Variants in CNNM4 observed in about 807,000 individuals in gnomAD.
CNNM4 encodes metal transporter CNNM4.
CNNM4 carries 32 observed loss-of-function variants against 53.7 expected under a neutral mutation model. The ratio of observed to expected loss-of-function variants is 0.60; its 90% confidence interval spans 0.45 to 0.80. The LOEUF is 0.80. Among genes scored for constraint, CNNM4 ranks in the 30% least tolerant of loss-of-function variants. The pLI, the probability that CNNM4 is intolerant of heterozygous loss-of-function variation, is 0.00. For missense variants in CNNM4, 784 were observed against 1,022.0 expected (o/e 0.77, Z 3.17); for synonymous variants, 410 against 440.0 (o/e 0.93, Z 0.85).
At position 96,801,181 on chromosome 2, in the gene CNNM4, C is replaced by T. The variant is rs564806942; in HGVS notation, c.1948+1533C>T. ...TCACGCTGCCACCTGCTGCCTGTGC[C>T]TGCACACTGCAGCTGCATTAACCTC... On this transcript the variant is annotated intron_variant, in intron 5 of 6. Coordinates refer to ENST00000377075, the MANE Select transcript of CNNM4 (RefSeq NM_020184.4). This position sits in a 1 kb window ranked among gnomAD's most constrained non-coding sequence, Gnocchi z 5.6. 1.1e-4 allele frequency: 99 copies of T among 934,708 alleles called. No homozygotes were observed. In the African/African-American group the frequency reaches 1.7e-3, roughly 16 times the overall value. 57.9% of individuals were successfully genotyped at this position (934,708 alleles called of 1,614,324 possible).
intron 5 of CNNM4, among the ~76,000 whole-genome samples, chr2:96,806,310 G>A (rs1021833973): frequency 1.3e-4 from 19 of 151,950 alleles, no homozygotes; most frequent in East Asian, 1.2e-3. Context: ...TTTTGATAAC[G>A]TCAGTCATAA....
chr2:96,797,017 T>A lies in CNNM4; in HGVS notation c.1408T>A (p.Ser470Thr). ...CTTGCTGCATTGTCCCACAGGGAAG[T>A]CCCACCTGGCCATCGTGCAGAAGGT... ...AMLEEFKKGKSHLAIVQKVNN... is the reference protein window; with the variant it reads ...AMLEEFKKGKTHLAIVQKVNN... Residue 470 changes from serine to threonine, a missense_variant, in exon 2 of 7, where the codon TCC (serine) becomes ACC (threonine). This residue lies in a region of CNNM4 where 473 missense variants were observed against 624.6 expected (regional missense o/e 0.76). Transcript: ENST00000377075. This position sits in a 1 kb window ranked among gnomAD's most constrained non-coding sequence, Gnocchi z 6.0. 6.2e-7 allele frequency: 1 copy of A among 1,612,934 alleles called. No homozygotes were observed. Among genetic ancestry groups the A allele is most frequent in the Non-Finnish European group, 8.5e-7 (1 of 1,179,968 alleles).
In CNNM4 at chr2:96,801,656, CCACA is replaced by C. The variant is rs141454994; in HGVS notation, c.1948+2023_1948+2026del. On this transcript the variant is annotated intron_variant, in intron 5 of 6. Coordinates refer to ENST00000377075, the MANE Select transcript of CNNM4 (RefSeq NM_020184.4). This position sits in a 1 kb window ranked among gnomAD's most constrained non-coding sequence, Gnocchi z 5.6. ...GAGAGACCACACACATGCAGAGAGA[CCACA>C]CACACACACACACAGAGACCACACG... is the stretch of plus-strand genomic sequence containing the variant. Among the ~76,000 whole-genome samples the C allele has an allele frequency of 1.4e-4, 20 of 142,040 alleles. No individual in the cohort carries two copies. The highest frequency in any genetic ancestry group is 5.6e-4 in the Admixed American group (8 of 14,396). 93.2% of individuals were successfully genotyped at this position (142,040 alleles called of 152,430 possible).
intron 1 of CNNM4, among the ~76,000 whole-genome samples, chr2:96,769,925 C>T (rs1394711700): frequency 6.6e-6 from 1 of 152,232 alleles, no homozygotes; most frequent in Admixed American, 6.5e-5. Context: ...ACTCCGGGTG[C>T]AGGCAGAGGT....
intron 1 of CNNM4, among the ~76,000 whole-genome samples, chr2:96,780,144 G>A (rs920510459): frequency 2.0e-5 from 3 of 152,056 alleles, no homozygotes; most frequent in South Asian, 2.1e-4. Flanking sequence ...CTGTGAACAC[G>A]ATGACCTTTT....
chr2:96,768,203 A>G (rs2078835411), intron 1 of CNNM4, among the ~76,000 whole-genome samples: 1 of 152,214 alleles, frequency 6.6e-6, no homozygotes, highest in Non-Finnish European at 1.5e-5. Context: ...TGATTTTTGC[A>G]TTCACTTTTG....
intron 1 of CNNM4, among the ~76,000 whole-genome samples, chr2:96,765,605 CTT>C (rs1345267199): frequency 2.6e-5 from 4 of 152,104 alleles, no homozygotes; most frequent in African/African-American, 9.7e-5. Flanking sequence ...CCTTTGTATT[CTT>C]TCTTTCCCCT....
At chr2:96,780,743 T>G (rs1403336923) in intron 1 of CNNM4, among the ~76,000 whole-genome samples, 1 of 152,042 alleles carries the variant, frequency 6.6e-6, no homozygotes, top group Non-Finnish European at 1.5e-5. Flanking sequence ...TTTGTTTGTT[T>G]GTTTGTTTTT....
intron 1 of CNNM4, among the ~76,000 whole-genome samples, chr2:96,773,889 A>T (rs1263710951): frequency 7.1e-6 from 1 of 140,024 alleles, no homozygotes; most frequent in Non-Finnish European, 1.6e-5. Context: ...CTTATTAAAA[A>T]TAAATAAATA....
chr2:96,760,979 C>T lies in CNNM4; in HGVS notation c.-21C>T, dbSNP rs2078754376. On this transcript the variant is annotated 5_prime_UTR_variant, in exon 1 of 7. Coordinates refer to ENST00000377075, the MANE Select transcript of CNNM4 (RefSeq NM_020184.4). ...CGCGGCGTGGCGCGGGGAGCGGCGG[C>T]GGCGGCAGAGCCAGAGCAACATGGC... 5 of 1,047,692 alleles carry T rather than the reference C, an allele frequency of 4.8e-6. No homozygotes were observed. Among genetic ancestry groups the T allele is most frequent in the Admixed American group, 5.5e-5 (1 of 18,100 alleles). 64.9% of individuals were successfully genotyped at this position (1,047,692 alleles called of 1,614,324 possible).
intron 1 of CNNM4, among the ~76,000 whole-genome samples, chr2:96,765,798 T>TTTC (rs1423046904): frequency 1.4e-5 from 2 of 143,732 alleles, no homozygotes; most frequent in African/African-American, 2.5e-5. Flanking sequence ...TCTTTCTTTC[T>TTTC]TTTTTTTTTT....
chr2:96,769,445 A>G (rs933715584), intron 1 of CNNM4, among the ~76,000 whole-genome samples: 1 of 148,238 alleles, frequency 6.7e-6, no homozygotes, highest in Non-Finnish European at 1.5e-5. Flanking sequence ...GGTGCCTGTA[A>G]TCCCAGCTAC....
intron 5 of CNNM4, among the ~76,000 whole-genome samples, chr2:96,803,196 G>T (rs1388477189): frequency 6.6e-6 from 1 of 152,040 alleles, no homozygotes; most frequent in East Asian, 1.9e-4. Flanking sequence ...CCTCCTCTGG[G>T]CTTGCTCTGG....
In CNNM4 at chr2:96,810,881, C is replaced by T. The variant is rs2079251394; in HGVS notation, c.*1364C>T. On this transcript the variant is annotated 3_prime_UTR_variant, in exon 7 of 7. Transcript: ENST00000377075. This position sits in a 1 kb window ranked among gnomAD's most constrained non-coding sequence, Gnocchi z 4.1. ...CTCATGTGAATTCCTGCCCTGGCGC[C>T]TCTTCCCTGGGGCTGAATCAGGCCC... 1 of 152,360 alleles carries T rather than the reference C, an allele frequency of 6.6e-6. No homozygotes were observed. The highest frequency in any genetic ancestry group is 6.5e-5 in the Admixed American group (1 of 15,292). 9.4% of individuals were successfully genotyped at this position (152,360 alleles called of 1,614,324 possible). A position where few individuals can be genotyped will look rare whatever the true frequency, so the allele number is the denominator to read the frequency against.
intron 1 of CNNM4, among the ~76,000 whole-genome samples, chr2:96,766,363 C>T (rs1254609329): frequency 6.6e-6 from 1 of 152,214 alleles, no homozygotes; most frequent in African/African-American, 2.4e-5. Context: ...GTGTGAGCCA[C>T]CGTGCCTGGC....
chr2:96,808,593 C>T lies in CNNM4; in HGVS notation c.1981C>T (p.Arg661Cys), dbSNP rs746511017. 14 of 1,613,974 alleles carry T rather than the reference C, an allele frequency of 8.7e-6. No individual in the cohort carries two copies. Among genetic ancestry groups the T allele is most frequent in the East Asian group, 4.5e-5 (2 of 44,876 alleles). Residue 661 changes from arginine to cysteine, a missense_variant, in exon 6 of 7, where the codon CGC (arginine) becomes TGC (cysteine). This residue lies in a region of CNNM4 where 307 missense variants were observed against 376.3 expected (regional missense o/e 0.82). Transcript: ENST00000377075. The surrounding 1 kb of genome is among the most constrained non-coding windows in gnomAD (Gnocchi z 4.9). The stretch of plus-strand genomic sequence containing the variant: ...CCCAGCACACCCCACCCCACTCAGC[C>T]GCTCAGCCTCCCTCAGTTACCCAGA... ...RSPAHPTPLS[R>C]SASLSYPDRT...
rs748985173 is a variant in CNNM4 at position 96,797,472 on chromosome 2, C to T, written c.1547-41C>T. On this transcript the variant is annotated intron_variant, in intron 2 of 6. Coordinates refer to ENST00000377075, the MANE Select transcript of CNNM4 (RefSeq NM_020184.4). This position sits in a 1 kb window ranked among gnomAD's most constrained non-coding sequence, Gnocchi z 6.0. ...GGGTTCCAGTCTCTTCCTAAGTCCT[C>T]AGGGGTCTGTGTTCTCAATTCCACG... 28 of 1,611,192 alleles carry T rather than the reference C, an allele frequency of 1.7e-5. No individual in the cohort carries two copies. Among genetic ancestry groups the T allele is most frequent in the Middle Eastern group, 1.6e-4 (1 of 6,084 alleles).
At chr2:96,806,684 T>C (rs2079211924) in intron 5 of CNNM4, among the ~76,000 whole-genome samples, 1 of 152,216 alleles carries the variant, frequency 6.6e-6, no homozygotes, top group South Asian at 2.1e-4. Context: ...TTAGTCCGCT[T>C]CCTGTTTGTT....
chr2:96,807,689 C>A (rs1484497391), intron 5 of CNNM4, among the ~76,000 whole-genome samples: 1 of 151,738 alleles, frequency 6.6e-6, no homozygotes, highest in Non-Finnish European at 1.5e-5. Flanking sequence ...GAGCCAAAAT[C>A]ATGCCACTGC....
Sources: gnomAD v4.1 joint callset for allele counts (sites outside exome capture counted in the v4.1 genomes callset) on GRCh38, gnomAD v4.1.1 for gene constraint, gnomAD v4.1.1 regional missense constraint, Gnocchi (gnomAD v3.1) non-coding constraint, MANE v1.5 for transcripts, NCBI Gene and HGNC (gene_info 2026-07-23, HGNC 2026-07-21) for gene names.